The following COG6 variants were observed in gnomAD, a reference collection of about 807,000 sequenced individuals.
COG6 encodes component of oligomeric golgi complex 6.
A neutral mutation model predicts 88.8 loss-of-function variants in COG6; 74 were observed. That is an observed-to-expected ratio of 0.83 (90% confidence interval 0.69 to 1.01). COG6 has a LOEUF of 1.01. Among genes scored for constraint, COG6 ranks in the 50% least tolerant of loss-of-function variants. The pLI, the probability that COG6 is intolerant of heterozygous loss-of-function variation, is 0.00. For synonymous variants in COG6, 286 were observed against 278.7 expected (o/e 1.03, Z -0.26); for missense variants, 800 against 797.9 (o/e 1.00, Z -0.03).
intron 4 of COG6, among the ~76,000 whole-genome samples, chr13:39,671,014 C>A (rs1353509153): frequency 6.6e-6 from 1 of 151,976 alleles, no homozygotes; most frequent in Non-Finnish European, 1.5e-5. Flanking sequence ...AACAGGGGAG[C>A]ATCACATCTC....
chr13:39,661,828 T>C (rs970925693), intron 3 of COG6, among the ~76,000 whole-genome samples: 1 of 151,640 alleles, frequency 6.6e-6, no homozygotes, highest in African/African-American at 2.4e-5. Flanking sequence ...TTTAACTTTA[T>C]TTCCTTTTCT....
At chr13:39,719,215 G>C in intron 13 of COG6, 21 bp from the exon 14 acceptor site, 2 of 1,610,368 alleles carry the variant, frequency 1.2e-6, no homozygotes, top group Non-Finnish European at 1.7e-6. Context: ...TAAGGAGTGG[G>C]TAAATCATCT....
At chr13:39,675,480 C>G (rs1338675364) in intron 4 of COG6, among the ~76,000 whole-genome samples, 1 of 152,114 alleles carries the variant, frequency 6.6e-6, no homozygotes, top group Non-Finnish European at 1.5e-5. Flanking sequence ...ATTGTCACTA[C>G]TTTTAAAGTT....
At chr13:39,755,607 C>T (rs149746119), downstream of COG6, among the ~76,000 whole-genome samples, 114 of 152,284 alleles carry the variant, frequency 7.5e-4, no homozygotes, top group African/African-American at 2.5e-3. Context: ...ATCTAGAAGG[C>T]TCTGTGCATG....
intron 18 of COG6, among the ~76,000 whole-genome samples, chr13:39,744,463 GACAA>G (rs1169861092): frequency 3.3e-5 from 5 of 152,048 alleles, no homozygotes; most frequent in South Asian, 2.1e-4. Flanking sequence ...ACCAATAACA[GACAA>G]ACAGAGAGCC....
At chr13:39,676,708 T>G (rs1378561270) in intron 4 of COG6, among the ~76,000 whole-genome samples, 1 of 152,166 alleles carries the variant, frequency 6.6e-6, no homozygotes, top group Non-Finnish European at 1.5e-5. Context: ...CTCTGAATAT[T>G]GCTAGTGAAA....
chr13:39,775,145 G>A (rs1425162488), intron 18 of COG6, among the ~76,000 whole-genome samples: 2 of 152,258 alleles, frequency 1.3e-5, no homozygotes, highest in East Asian at 1.9e-4. Flanking sequence ...CGGGAGCCAG[G>A]CCTGGCCTGG....
At chr13:39,710,064 TTAAATC>T (rs1878154199) in intron 13 of COG6, among the ~76,000 whole-genome samples, 1 of 152,300 alleles carries the variant, frequency 6.6e-6, no homozygotes, top group East Asian at 1.9e-4. Flanking sequence ...GAGGCTTTGA[TTAAATC>T]TATAGATCAG....
intron 18 of COG6, among the ~76,000 whole-genome samples, chr13:39,744,553 G>A (rs186029132): frequency 1.3e-5 from 2 of 152,270 alleles, no homozygotes; most frequent in African/African-American, 4.8e-5. Context: ...TACAAGGGAT[G>A]TGAAGGACCT....
rs761857311 is a variant in COG6 at position 39,659,437 on chromosome 13, G to A, written c.227G>A (p.Arg76His). 10 of 1,613,398 alleles carry A rather than the reference G, an allele frequency of 6.2e-6. No individual in the cohort carries two copies. The highest frequency in any genetic ancestry group is 3.3e-5 in the Admixed American group (2 of 59,986). ...ENSLRTRRNL[R>H]GDIERKSLAI... ...AGTCTGCGGACTCGAAGAAATTTAC[G>A]TGGAGATATTGAACGTAAAAGTTTA... Residue 76 changes from arginine (R) to histidine (H), a missense_variant, in exon 2 of 19, where the codon CGT becomes CAT. By Grantham distance (29) the Arg-to-His change is conservative. Transcript: ENST00000455146.
At chr13:39,742,878 A>G (rs1450392676) in intron 18 of COG6, among the ~76,000 whole-genome samples, 1 of 152,204 alleles carries the variant, frequency 6.6e-6, no homozygotes. Flanking sequence ...AGCAAATATA[A>G]AAGAACAGAA....
intron 3 of COG6, among the ~76,000 whole-genome samples, chr13:39,662,020 T>A (rs1037365363): frequency 3.3e-5 from 5 of 151,964 alleles, no homozygotes; most frequent in Non-Finnish European, 2.9e-5. Context: ...GTTTTTATAC[T>A]TTTCATCATA....
chr13:39,687,824 A>G, intron 10 of COG6, 25 bp downstream of exon 10: 1 of 1,451,880 alleles, frequency 6.9e-7, no homozygotes, highest in Non-Finnish European at 9.7e-7. Flanking sequence ...TGTATTGCTA[A>G]TGCCTAAATA....
chr13:39,683,662 A>G (rs1006124959), intron 8 of COG6, among the ~76,000 whole-genome samples: 1 of 152,102 alleles, frequency 6.6e-6, no homozygotes, highest in African/African-American at 2.4e-5. Flanking sequence ...GTCTTTTAGC[A>G]CTTAAAACAT....
intron 18 of COG6, among the ~76,000 whole-genome samples, chr13:39,760,894 C>T (rs1211435140): frequency 6.6e-6 from 1 of 151,834 alleles, no homozygotes; most frequent in Non-Finnish European, 1.5e-5. Context: ...ACAACGAATG[C>T]CATTATTATA....
chr13:39,749,029 TTGA>T (rs753731224), intron 18 of COG6, among the ~76,000 whole-genome samples: 3 of 152,088 alleles, frequency 2.0e-5, no homozygotes, highest in African/African-American at 7.3e-5. Context: ...ATGTGTTCTG[TTGA>T]TGATGACTTC....
rs1875054584 is a variant in COG6, at chr13:39,663,651, C to CA, written c.370-1444dup. 3.3e-5 allele frequency among the ~76,000 whole-genome samples: 5 copies of CA among 152,202 alleles called. No homozygotes were observed. The South Asian group carries it at 8.3e-4, about 25-fold the overall frequency. On this transcript the variant is annotated intron_variant, in intron 3 of 18. Transcript: ENST00000455146. ...TGGTGGCTCACACCTGTAATCTCAGCATTTTGGGAGGCTGAGGCAGAATGA... is the reference window on the plus strand; with the variant it reads ...TGGTGGCTCACACCTGTAATCTCAGCAATTTTGGGAGGCTGAGGCAGAATGA...
chr13:39,770,233 A>G (rs573785786), intron 18 of COG6, among the ~76,000 whole-genome samples: 1 of 152,308 alleles, frequency 6.6e-6, no homozygotes, highest in East Asian at 1.9e-4. Context: ...CTGCAGTGGA[A>G]TGCCACTGAC....
At chr13:39,744,730 T>G (rs556832196) in intron 18 of COG6, among the ~76,000 whole-genome samples, 23 of 151,354 alleles carry the variant, frequency 1.5e-4, no homozygotes, top group Admixed American at 2.6e-4. Flanking sequence ...ACCAATGACT[T>G]TCGAATTGGA....
Sources: gnomAD v4.1 joint callset for allele counts (sites outside exome capture counted in the v4.1 genomes callset) on GRCh38, gnomAD v4.1.1 for gene constraint, MANE v1.5 for transcripts, NCBI Gene and HGNC (gene_info 2026-07-23, HGNC 2026-07-21) for gene names.